The following SLIT2 variants were observed in gnomAD, a reference collection of about 807,000 sequenced individuals.
SLIT2 encodes the protein slit homolog 2 protein.
Under a neutral mutation model 185.7 loss-of-function variants are expected in SLIT2, and 41 were observed. The observed-to-expected ratio is 0.22, with a 90% CI of 0.17 to 0.29. The LOEUF is 0.29. Ranked by LOEUF, SLIT2 falls within the 10% of genes least tolerant of loss-of-function variation. SLIT2 has a pLI of 1.00. For synonymous variants in SLIT2, 693 were observed against 680.2 expected (o/e 1.02, Z -0.29); for missense variants, 1,571 against 1,909.0 (o/e 0.82, Z 3.30).
intron 4 of SLIT2, among the ~76,000 whole-genome samples, chr4:20,293,776 C>A (rs1012109512): frequency 1.3e-5 from 2 of 152,088 alleles, no homozygotes. Flanking sequence ...AGACAGGTGT[C>A]AGATATATTA....
intron 21 of SLIT2, among the ~76,000 whole-genome samples, chr4:20,544,735 A>G (rs1044659218): frequency 6.6e-6 from 1 of 152,156 alleles, no homozygotes; most frequent in African/African-American, 2.4e-5. Context: ...AATGGTATCC[A>G]TTATTTTTAA....
chr4:20,347,062 G>C (rs149883903), intron 4 of SLIT2, among the ~76,000 whole-genome samples: 3 of 152,158 alleles, frequency 2.0e-5, no homozygotes, highest in Non-Finnish European at 4.4e-5. Flanking sequence ...TTGACACTCC[G>C]TATTAACCAT....
At chr4:20,541,659 A>G in intron 20 of SLIT2, 40 bp downstream of exon 20, 1 of 1,529,658 alleles carries the variant, frequency 6.5e-7, no homozygotes, top group Non-Finnish European at 9.1e-7. Context: ...TCAGGCATTC[A>G]CATGCCTGTT....
chr4:20,576,546 G>T (rs973433697), intron 29 of SLIT2, among the ~76,000 whole-genome samples: 1 of 152,002 alleles, frequency 6.6e-6, no homozygotes, highest in Non-Finnish European at 1.5e-5. Context: ...ATTCTGCTTC[G>T]AGATGTGTAA....
At chr4:20,290,973 A>G (rs1217011207) in intron 4 of SLIT2, among the ~76,000 whole-genome samples, 1 of 151,876 alleles carries the variant, frequency 6.6e-6, no homozygotes, top group Non-Finnish European at 1.5e-5. Context: ...GCCTTTACTC[A>G]GTCAAGGCTG....
chr4:20,286,716 C>T (rs917281434), intron 4 of SLIT2, among the ~76,000 whole-genome samples: 2 of 152,078 alleles, frequency 1.3e-5, no homozygotes, highest in African/African-American at 2.4e-5. Context: ...GTGGGAGAAT[C>T]GCTTGAACCT....
chr4:20,545,882 A>G, intron 21 of SLIT2, 149 bp from the exon 22 acceptor site: 2 of 424,838 alleles, frequency 4.7e-6, no homozygotes, highest in Non-Finnish European at 4.2e-6. Context: ...TACTTCTCTT[A>G]AATAATAATC....
At chr4:20,501,211 C>G (rs1718700132) in intron 9 of SLIT2, among the ~76,000 whole-genome samples, 1 of 152,150 alleles carries the variant, frequency 6.6e-6, no homozygotes, top group African/African-American at 2.4e-5. Flanking sequence ...TTCCTACAGA[C>G]ACAGAGCACC....
At chr4:20,390,035 A>G (rs1725290638) in intron 4 of SLIT2, among the ~76,000 whole-genome samples, 1 of 152,066 alleles carries the variant, frequency 6.6e-6, no homozygotes, top group Non-Finnish European at 1.5e-5. Context: ...GCTCTATAAG[A>G]AGTTAAAATT....
At chr4:20,343,550 G>C (rs1400037140) in intron 4 of SLIT2, among the ~76,000 whole-genome samples, 2 of 151,734 alleles carry the variant, frequency 1.3e-5, no homozygotes, top group African/African-American at 4.8e-5. Context: ...CACCCAGGCT[G>C]GAGGGCACCG....
At chr4:20,423,915 A>C (rs1728353769) in intron 4 of SLIT2, among the ~76,000 whole-genome samples, 3 of 152,128 alleles carry the variant, frequency 2.0e-5, no homozygotes, top group African/African-American at 7.2e-5. Context: ...ATTTTGGCTC[A>C]TGTGATCAAC....
At chr4:20,400,069 T>C (rs1726222400) in intron 4 of SLIT2, among the ~76,000 whole-genome samples, 1 of 151,756 alleles carries the variant, frequency 6.6e-6, no homozygotes, top group Non-Finnish European at 1.5e-5. Flanking sequence ...TAAATCATTT[T>C]GGTTTTGTTA....
At chr4:20,255,187 G>A in intron 1 of SLIT2, 1 of 382,838 alleles carries the variant, frequency 2.6e-6, no homozygotes, top group Non-Finnish European at 5.1e-6. Flanking sequence ...TTGCCCCCGG[G>A]GTGTAAGGGT....
At position 20,523,849 on chromosome 4, in the gene SLIT2, A is replaced by C. The variant is rs1326135906; in HGVS notation, c.1220A>C (p.Lys407Thr). 6.2e-7 allele frequency: 1 copy of C among 1,614,120 alleles called. No individual in the cohort carries two copies. ...AACCTTCTCTCCCTATATGACAACA[A>C]GCTTCAGACCATCGCCAAGGGGACC... ...NLNLLSLYDN[K>T]LQTIAKGTFS... is the part of the protein sequence containing the mutation. The change falls in exon 13 of 37, where the codon AAG becomes ACG. Residue 407 changes from lysine (K) to threonine (T), a missense_variant. By Grantham distance (78) the Lys-to-Thr change is moderately conservative (BLOSUM62 -1). This residue lies in a region of SLIT2 where 1,202 missense variants were observed against 1,416.4 expected (regional missense o/e 0.85). Transcript: ENST00000504154.
chr4:20,337,557 A>G (rs1720609417), intron 4 of SLIT2, among the ~76,000 whole-genome samples: 2 of 152,298 alleles, frequency 1.3e-5, no homozygotes, highest in South Asian at 4.1e-4. Context: ...AATAGCAAAG[A>G]GCTTAAGTAA....
At chr4:20,310,358 A>G (rs944152097) in intron 4 of SLIT2, among the ~76,000 whole-genome samples, 2 of 152,218 alleles carry the variant, frequency 1.3e-5, no homozygotes, top group South Asian at 2.1e-4. Context: ...ATCTTTCTCT[A>G]TGCAATCTTC....
intron 4 of SLIT2, among the ~76,000 whole-genome samples, chr4:20,309,754 CTTTCTTTTTTTTTTTT>C (rs936384663): frequency 1.8e-3 from 165 of 92,760 alleles, no homozygotes; most frequent in Non-Finnish European, 2.5e-3. Context: ...TCTAGTCTTT[CTTTCTTTTTTTTTTTT>C]TTTTTTTGAG....
At chr4:20,291,943 T>A (rs1244991708) in intron 4 of SLIT2, among the ~76,000 whole-genome samples, 1 of 149,676 alleles carries the variant, frequency 6.7e-6, no homozygotes, top group African/African-American at 2.5e-5. Context: ...TGTGTGTGCA[T>A]GTGTGTGCAT....
At chr4:20,493,560 AC>A (rs1486318379) in intron 9 of SLIT2, among the ~76,000 whole-genome samples, 8 of 152,230 alleles carry the variant, frequency 5.3e-5, no homozygotes, top group Non-Finnish European at 7.3e-5. Flanking sequence ...TCAAGGTCTT[AC>A]AAAGGGCATG....
Sources: allele counts gnomAD v4.1 joint callset (sites outside exome capture counted in the v4.1 genomes callset), GRCh38; gene constraint gnomAD v4.1.1; regional missense constraint gnomAD v4.1.1; transcripts MANE v1.5; gene names NCBI Gene and HGNC (gene_info 2026-07-23, HGNC 2026-07-21).